The following HCN1 variants were observed in gnomAD, a reference collection of about 807,000 sequenced individuals.
The protein encoded by HCN1 is potassium/sodium hyperpolarization-activated cyclic nucleotide-gated channel 1.
In HCN1, 13 loss-of-function variants were observed where a neutral mutation model predicts 78.9. The ratio of observed to expected loss-of-function variants is 0.16; its 90% CI spans 0.11 to 0.26. The LOEUF (loss-of-function observed/expected upper bound fraction) is 0.26. Among genes scored for constraint, HCN1 ranks in the 10% least tolerant of loss-of-function variants. The pLI, the probability that HCN1 is intolerant of heterozygous loss-of-function variation, is 1.00. For synonymous variants in HCN1, 552 were observed against 455.5 expected (o/e 1.21, Z -2.70); for missense variants, 810 against 1,154.3 (o/e 0.70, Z 4.32).
At chr5:45,423,208 T>A (rs1459286920) in intron 3 of HCN1, among the ~76,000 whole-genome samples, 3 of 152,160 alleles carry the variant, frequency 2.0e-5, no homozygotes, top group Admixed American at 6.5e-5. Flanking sequence ...ATTAAAAAAA[T>A]ACTTATTGTT....
intron 1 of HCN1, among the ~76,000 whole-genome samples, chr5:45,663,788 C>A (rs1426633890): frequency 2.6e-5 from 4 of 151,116 alleles, no homozygotes; most frequent in African/African-American, 9.7e-5. Flanking sequence ...GAATGGCAAT[C>A]ATTAAAAAGT....
At chr5:45,554,459 A>G (rs1389769106) in intron 2 of HCN1, among the ~76,000 whole-genome samples, 2 of 151,760 alleles carry the variant, frequency 1.3e-5, no homozygotes, top group Admixed American at 1.3e-4. Context: ...AATCCCTCCT[A>G]AATGGAACCT....
At chr5:45,306,481 T>A (rs189262879) in intron 5 of HCN1, among the ~76,000 whole-genome samples, 10 of 152,226 alleles carry the variant, frequency 6.6e-5, no homozygotes, top group Admixed American at 4.6e-4. Context: ...TCTTCCTTCA[T>A]GCAACTTTTA....
chr5:45,682,468 G>T (rs186442290), intron 1 of HCN1, among the ~76,000 whole-genome samples: 342 of 151,472 alleles, frequency 2.3e-3, no homozygotes, highest in Non-Finnish European at 3.9e-3. Context: ...TTTTTTATAG[G>T]GCACATAGGG....
intron 2 of HCN1, among the ~76,000 whole-genome samples, chr5:45,483,208 T>G (rs1741690848): frequency 6.6e-6 from 1 of 152,192 alleles, no homozygotes; most frequent in Non-Finnish European, 1.5e-5. Flanking sequence ...GTGGCTGGAC[T>G]AATTTACATT....
At chr5:45,631,982 C>T (rs1457819042) in intron 2 of HCN1, among the ~76,000 whole-genome samples, 1 of 152,038 alleles carries the variant, frequency 6.6e-6, no homozygotes, top group Non-Finnish European at 1.5e-5. Context: ...TACGTTTGGT[C>T]TTGCAAGTTG....
chr5:45,567,437 A>C (rs993196842), intron 2 of HCN1, among the ~76,000 whole-genome samples: 4 of 152,096 alleles, frequency 2.6e-5, no homozygotes, highest in Non-Finnish European at 4.4e-5. Flanking sequence ...AGGAGTACAG[A>C]GCTGAAAGTG....
At chr5:45,654,337 GAAATAATGTATA>G (rs1356678427) in intron 1 of HCN1, among the ~76,000 whole-genome samples, 10 of 151,954 alleles carry the variant, frequency 6.6e-5, no homozygotes, top group Admixed American at 6.6e-4. Context: ...AAATTATTTA[GAAATAATGTATA>G]AAATAGCTCC....
At position 45,261,733 on chromosome 5, in the gene HCN1, T is replaced by G; in HGVS notation, c.*188A>C. ...CTAAACAGGTCTTTTGACCCTCTCT[T>G]GGGAATTTAGATATATATTTTATAG... On this transcript the variant is annotated 3_prime_UTR_variant, in exon 8 of 8. Coordinates refer to ENST00000303230, the MANE Select transcript of HCN1 (RefSeq NM_021072.4). 1.8e-6 allele frequency: 1 copy of G among 567,096 alleles called. No homozygotes were observed. The highest frequency in any genetic ancestry group is 2.9e-6 in the Non-Finnish European group (1 of 338,994). 35.1% of individuals were successfully genotyped at this position (567,096 alleles called of 1,614,324 possible). A position where few individuals can be genotyped will look rare whatever the true frequency, so the allele number is the denominator to read the frequency against.
At chr5:45,343,281 G>A (rs192573761) in intron 5 of HCN1, among the ~76,000 whole-genome samples, 9 of 152,290 alleles carry the variant, frequency 5.9e-5, no homozygotes, top group Admixed American at 2.0e-4. Context: ...ATAATGCAAA[G>A]ACTGAAAGTT....
chr5:45,439,079 G>A (rs1484953055), intron 3 of HCN1, among the ~76,000 whole-genome samples: 1 of 152,002 alleles, frequency 6.6e-6, no homozygotes, highest in Non-Finnish European at 1.5e-5. Flanking sequence ...TATATTCCAA[G>A]GGATGATCTG....
At chr5:45,347,160 G>A (rs1285213149) in intron 5 of HCN1, among the ~76,000 whole-genome samples, 1 of 152,144 alleles carries the variant, frequency 6.6e-6, no homozygotes, top group Non-Finnish European at 1.5e-5. Flanking sequence ...CTACTTCTCT[G>A]ACACAAAAAC....
intron 2 of HCN1, among the ~76,000 whole-genome samples, chr5:45,602,833 T>C (rs1229175313): frequency 6.6e-6 from 1 of 152,118 alleles, no homozygotes; most frequent in Non-Finnish European, 1.5e-5. Context: ...TAGGTTCTTT[T>C]GTGATCAGAT....
intron 2 of HCN1, among the ~76,000 whole-genome samples, chr5:45,465,183 G>T (rs1741242480): frequency 6.6e-6 from 1 of 151,846 alleles, no homozygotes. Context: ...GAGTTGAAGG[G>T]GTTTAATAAT....
At chr5:45,374,290 T>A (rs1393895749) in intron 4 of HCN1, among the ~76,000 whole-genome samples, 1 of 128,790 alleles carries the variant, frequency 7.8e-6, no homozygotes, top group African/African-American at 3.0e-5. Flanking sequence ...ATTATATACA[T>A]TATATATATT....
chr5:45,671,851 T>A (rs1746158256), intron 1 of HCN1, among the ~76,000 whole-genome samples: 1 of 151,632 alleles, frequency 6.6e-6, no homozygotes, highest in Non-Finnish European at 1.5e-5. Flanking sequence ...ATTGTTATAT[T>A]TAAGGACTTT....
In HCN1 at chr5:45,529,338, C is replaced by T. The variant is rs559279057; in HGVS notation, c.850-67331G>A. On this transcript the variant is annotated intron_variant, in intron 2 of 7. Coordinates refer to ENST00000303230, the MANE Select transcript of HCN1 (RefSeq NM_021072.4). Reference sequence around the variant, plus strand: ...TAATTAGGTAAATAATAAATAATGACGGCAAATCAGAGCCCAGGTAAAGCC... The same window carrying T: ...TAATTAGGTAAATAATAAATAATGATGGCAAATCAGAGCCCAGGTAAAGCC... Among the ~76,000 whole-genome samples the T allele has an allele frequency of 7.0e-4, 107 of 151,784 alleles. 1 individual carries two copies. The highest frequency in any genetic ancestry group is 3.4e-3 in the Middle Eastern group (1 of 294).
intron 2 of HCN1, among the ~76,000 whole-genome samples, chr5:45,625,846 A>G (rs938575953): frequency 8.5e-5 from 13 of 152,166 alleles, no homozygotes; most frequent in Admixed American, 2.6e-4. Flanking sequence ...TTGTCTTATT[A>G]GGACACTATT....
chr5:45,464,011 T>A (rs1196345527), intron 2 of HCN1, among the ~76,000 whole-genome samples: 1 of 152,106 alleles, frequency 6.6e-6, no homozygotes, highest in Non-Finnish European at 1.5e-5. Flanking sequence ...CATTCAATTA[T>A]CAGGCTTTAG....
Sources: gnomAD v4.1 joint callset for allele counts (sites outside exome capture counted in the v4.1 genomes callset) on GRCh38, gnomAD v4.1.1 for gene constraint, MANE v1.5 for transcripts, NCBI Gene and HGNC (gene_info 2026-07-23, HGNC 2026-07-21) for gene names.